KCTD1: variants seen among roughly 807,000 people sequenced by gnomAD.
KCTD1 encodes the protein potassium channel tetramerization domain containing 1, also known as BTB/POZ domain-containing protein KCTD1.
KCTD1 carries 24 observed loss-of-function variants against 66.0 expected under a neutral mutation model. That is an observed-to-expected ratio of 0.36 (90% CI 0.26 to 0.51). The LOEUF (loss-of-function observed/expected upper bound fraction) is 0.51, where lower values mean the gene tolerates loss of function less well. Ranked by LOEUF, KCTD1 falls within the 20% of genes least tolerant of loss-of-function variation. The probability of loss-of-function intolerance (pLI) is 0.95; values close to 1 mark genes in which losing one functional copy is unlikely to be tolerated. For missense variants in KCTD1, 943 were observed against 1,205.2 expected (o/e 0.78, Z 3.22); for synonymous variants, 511 against 517.2 (o/e 0.99, Z 0.16).
intron 1 of KCTD1, among the ~76,000 whole-genome samples, chr18:26,504,000 GCATTAA>G (rs1982899831): frequency 6.6e-6 from 1 of 152,102 alleles, no homozygotes; most frequent in Admixed American, 6.5e-5. Flanking sequence ...CATTTCTAAG[GCATTAA>G]CTGATACTAG....
intron 3 of KCTD1, chr18:26,460,837 T>C (rs1980381876): frequency 6.6e-6 from 1 of 152,066 alleles, no homozygotes; most frequent in Non-Finnish European, 1.5e-5. Flanking sequence ...CAAAAGAGAA[T>C]GAGGGGGAGG....
intron 1 of KCTD1, among the ~76,000 whole-genome samples, chr18:26,656,929 G>T (rs944398932): frequency 9.3e-5 from 14 of 150,308 alleles, no homozygotes; most frequent in African/African-American, 3.4e-4. Flanking sequence ...GGAGAGCCGC[G>T]GCGGAGCGGC....
intron 2 of KCTD1, among the ~76,000 whole-genome samples, chr18:26,483,746 G>C (rs1462183607): frequency 3.9e-5 from 6 of 152,018 alleles, no homozygotes; most frequent in African/African-American, 1.2e-4. Context: ...GCACAACGGA[G>C]ATGTGTGTGT....
chr18:26,546,085 C>T (rs1985201303), intron 1 of KCTD1, among the ~76,000 whole-genome samples: 1 of 152,132 alleles, frequency 6.6e-6, no homozygotes. Flanking sequence ...CAATTTGTAG[C>T]CTGACTGGAA....
chr18:26,639,550 G>A (rs535324823), intron 1 of KCTD1, among the ~76,000 whole-genome samples: 7 of 152,106 alleles, frequency 4.6e-5, no homozygotes, highest in Non-Finnish European at 1.0e-4. Context: ...AAAAATCCTA[G>A]GGCCCAGAGT....
At chr18:26,580,485 C>T (rs1986326428) in intron 1 of KCTD1, among the ~76,000 whole-genome samples, 2 of 152,158 alleles carry the variant, frequency 1.3e-5, no homozygotes, top group African/African-American at 4.8e-5. Flanking sequence ...AGGCAAGCAG[C>T]AGCTGAGAGC....
intron 3 of KCTD1, among the ~76,000 whole-genome samples, chr18:26,467,331 C>T (rs1003460672): frequency 9.9e-5 from 15 of 151,822 alleles, no homozygotes; most frequent in Non-Finnish European, 2.1e-4. Context: ...CAACCTGTGG[C>T]GGCTCAGTGA....
upstream of KCTD1, among the ~76,000 whole-genome samples, chr18:26,641,282 G>C (rs77719644): frequency 0.035 from 5,289 of 152,178 alleles, 131 homozygotes; most frequent in African/African-American, 0.067. Flanking sequence ...CCCTTGTAGC[G>C]CCACGGTGCC....
upstream of KCTD1, chr18:26,549,060 CG>C: frequency 1.0e-6 from 1 of 985,102 alleles, no homozygotes; most frequent in East Asian, 1.1e-4. Flanking sequence ...GGGCGGGCCG[CG>C]GGTGCTGCCG....
chr18:26,600,498 G>T (rs1424442570), intron 1 of KCTD1, among the ~76,000 whole-genome samples: 1 of 151,986 alleles, frequency 6.6e-6, no homozygotes, highest in Non-Finnish European at 1.5e-5. Context: ...GCTGGGGGGG[G>T]TGCAGTGGTG....
intron 1 of KCTD1, among the ~76,000 whole-genome samples, chr18:26,608,268 T>A (rs1352056493): frequency 6.6e-6 from 1 of 152,254 alleles, no homozygotes; most frequent in African/African-American, 2.4e-5. Flanking sequence ...TCTCTTGTCT[T>A]ACCTGCTTCA....
Position 26,455,708 on chromosome 18 carries a change from G to T in KCTD1, c.*35C>A. 6.2e-7 allele frequency: 1 copy of T among 1,613,646 alleles called. No individual in the cohort carries two copies. The highest frequency in any genetic ancestry group is 8.5e-7 in the Non-Finnish European group (1 of 1,179,846). ...CTTTTTTGTTTGAGTTATTGGTTGT[G>T]TGTGTTTTCCTTTTTGCATAAGAAA... On this transcript the variant is annotated 3_prime_UTR_variant, in exon 5 of 5. Coordinates refer to ENST00000580059, the MANE Select transcript of KCTD1 (RefSeq NM_001142730.3).
At chr18:26,554,861 T>C (rs1215916317) in intron 1 of KCTD1, among the ~76,000 whole-genome samples, 1 of 152,222 alleles carries the variant, frequency 6.6e-6, no homozygotes, top group Admixed American at 6.5e-5. Flanking sequence ...CTCATTGTTA[T>C]AATATTCTGA....
Position 26,528,082 on chromosome 18 carries a change from A to C in KCTD1, c.1809+18646T>G, listed in dbSNP as rs374317414. On this transcript the variant is annotated intron_variant, in intron 1 of 4. Transcript: ENST00000580059. ...CAGCATGTTGCACAGAATGGAACTC[A>C]TTGGTTCTCTCTGTGGTCTGAGAAA... is the stretch of plus-strand genomic sequence containing the variant. Among the ~76,000 whole-genome samples the C allele has an allele frequency of 1.0e-3, 157 of 152,188 alleles. 3 individuals carry two copies. Among genetic ancestry groups the C allele is most frequent in the Middle Eastern group, 3.4e-3 (1 of 292 alleles).
intron 1 of KCTD1, among the ~76,000 whole-genome samples, chr18:26,532,424 C>T (rs973717212): frequency 8.6e-5 from 13 of 151,796 alleles, no homozygotes; most frequent in South Asian, 2.1e-4. Flanking sequence ...CTCCCACACC[C>T]AGCTACATTT....
chr18:26,608,351 A>T (rs1199487961), intron 1 of KCTD1, among the ~76,000 whole-genome samples: 2 of 152,212 alleles, frequency 1.3e-5, no homozygotes, highest in Non-Finnish European at 2.9e-5. Context: ...ATTGGCAACT[A>T]GGTAGGATCT....
intron 1 of KCTD1, among the ~76,000 whole-genome samples, chr18:26,614,755 T>G (rs568114015): frequency 6.6e-6 from 1 of 152,326 alleles, no homozygotes; most frequent in African/African-American, 2.4e-5. Flanking sequence ...TCCAGGAAAC[T>G]TAGTTGTTTA....
chr18:26,517,589 G>A lies in KCTD1; in HGVS notation c.1810-16339C>T, dbSNP rs559816301. Reference sequence around the variant, plus strand: ...GGAGAACTGCTTGAACCCAGGAGGCGGAGGTTGCAGTGAGCTGAGATCGTG... The same window carrying A: ...GGAGAACTGCTTGAACCCAGGAGGCAGAGGTTGCAGTGAGCTGAGATCGTG... On this transcript the variant is annotated intron_variant, in intron 1 of 4. Coordinates refer to ENST00000580059, the MANE Select transcript of KCTD1 (RefSeq NM_001142730.3). Among the ~76,000 whole-genome samples, 36 of 150,468 alleles carry A rather than the reference G, an allele frequency of 2.4e-4. 1 individual carries two copies. The South Asian group carries it at 4.6e-3, about 19-fold the overall frequency.
At chr18:26,460,864 A>ATGT (rs1367453909) in intron 3 of KCTD1, 1 of 152,254 alleles carries the variant, frequency 6.6e-6, no homozygotes, top group African/African-American at 2.4e-5. Flanking sequence ...CTCAGGAACA[A>ATGT]TGTTAACAAG....
Sources: allele counts gnomAD v4.1 joint callset (sites outside exome capture counted in the v4.1 genomes callset), GRCh38; gene constraint gnomAD v4.1.1; transcripts MANE v1.5; gene names NCBI Gene and HGNC (gene_info 2026-07-23, HGNC 2026-07-21).